The following TNIK variants were observed in gnomAD, a reference collection of about 807,000 sequenced individuals.
TNIK encodes TRAF2 and NCK interacting kinase.
In TNIK, 49 loss-of-function variants were observed where a neutral mutation model predicts 191.3. That is an observed-to-expected ratio of 0.26 (90% CI 0.20 to 0.32). TNIK has a LOEUF of 0.32. Ranked by LOEUF, TNIK falls within the 10% of genes least tolerant of loss-of-function variation. The pLI is 1.00. For synonymous variants in TNIK, 594 were observed against 600.9 expected, an observed-to-expected ratio of 0.99 and a Z score of 0.17; for missense variants, 1,155 against 1,702.3, an observed-to-expected ratio of 0.68 and a Z score of 5.66.
intron 6 of TNIK, 118 bp from the exon 7 acceptor site, chr3:171,188,950 A>T (rs190411087): frequency 4.9e-5 from 63 of 1,294,862 alleles, no homozygotes; most frequent in Non-Finnish European, 1.0e-6. Context: ...TACAATTTTG[A>T]CCATTTTCAA....
intron 1 of TNIK, among the ~76,000 whole-genome samples, chr3:171,438,761 T>C (rs1726359470): frequency 6.6e-6 from 1 of 152,242 alleles, no homozygotes; most frequent in South Asian, 2.1e-4. Context: ...AACAGGGGTT[T>C]TGTGGCTCGA....
chr3:171,157,548 C>CGCTGCTGCTGCTCCA lies in TNIK; in HGVS notation c.1118_1132dup (p.Leu373_Gln377dup), dbSNP rs1733368541. 1 of 1,564,462 alleles carries CGCTGCTGCTGCTCCA rather than the reference C, an allele frequency of 6.4e-7. No individual in the cohort carries two copies. Among genetic ancestry groups the CGCTGCTGCTGCTCCA allele is most frequent in the East Asian group, 2.4e-5 (1 of 41,742 alleles). On this transcript the variant is annotated inframe_insertion, in exon 12 of 33. Coordinates refer to ENST00000436636, the MANE Select transcript of TNIK (RefSeq NM_015028.4). Reference sequence around the variant, plus strand: ...CTGCCGCTTGTGCTCCTCATTCTCCCGCTGCTGCTGCTCCAGCTGCTGCCT... The same window carrying CGCTGCTGCTGCTCCA: ...CTGCCGCTTGTGCTCCTCATTCTCCCGCTGCTGCTGCTCCAGCTGCTGCTGCTCCAGCTGCTGCCT...
intron 1 of TNIK, among the ~76,000 whole-genome samples, chr3:171,370,826 T>C (rs571772910): frequency 1.3e-5 from 2 of 152,246 alleles, no homozygotes; most frequent in South Asian, 2.1e-4. Context: ...AGATCTCCTA[T>C]TTTTTAAGTT....
intron 1 of TNIK, among the ~76,000 whole-genome samples, chr3:171,390,527 C>T (rs148331251): frequency 6.6e-6 from 1 of 152,324 alleles, no homozygotes; most frequent in East Asian, 1.9e-4. Flanking sequence ...GCCCCTATTT[C>T]ACAGGGTCTC....
Position 171,363,011 on chromosome 3 carries a change from AAG to A in TNIK, c.123+6607_123+6608del. 2.0e-5 allele frequency among the ~76,000 whole-genome samples: 3 copies of A among 152,266 alleles called. No homozygotes were observed. In the East Asian group the frequency reaches 5.8e-4, roughly 29 times the overall value. ...CCATCCCCACTTGCACCTCAATGTT[AAG>A]AGTTTTGCCATTCTGTGTGATTTTT... On this transcript the variant is annotated intron_variant, in intron 2 of 32. Coordinates refer to ENST00000436636, the MANE Select transcript of TNIK (RefSeq NM_015028.4).
At chr3:171,386,975 C>T (rs959029708) in intron 1 of TNIK, among the ~76,000 whole-genome samples, 2 of 152,170 alleles carry the variant, frequency 1.3e-5, no homozygotes, top group Non-Finnish European at 2.9e-5. Flanking sequence ...CCTCCCAGGT[C>T]TCTGGATTAG....
intron 2 of TNIK, among the ~76,000 whole-genome samples, chr3:171,355,935 T>C (rs563269038): frequency 2.0e-5 from 3 of 152,020 alleles, no homozygotes; most frequent in Admixed American, 2.0e-4. Context: ...AAGGAGGAAA[T>C]ATAAAAGCAA....
chr3:171,180,283 C>T (rs1736481753), intron 7 of TNIK, among the ~76,000 whole-genome samples: 1 of 152,186 alleles, frequency 6.6e-6, no homozygotes, highest in Non-Finnish European at 1.5e-5. Context: ...AAAGCCTGCT[C>T]AACCCCTGTG....
intron 2 of TNIK, among the ~76,000 whole-genome samples, chr3:171,360,046 A>T (rs1714745030): frequency 6.6e-6 from 1 of 152,220 alleles, no homozygotes; most frequent in Non-Finnish European, 1.5e-5. Flanking sequence ...ATGAGGTGGA[A>T]TGAAAGTATT....
chr3:171,092,106 C>T (rs935696936), intron 23 of TNIK, among the ~76,000 whole-genome samples: 18 of 152,056 alleles, frequency 1.2e-4, no homozygotes, highest in East Asian at 9.8e-4. Context: ...CCCGCCACGA[C>T]GCCTGGCTAA....
intron 2 of TNIK, among the ~76,000 whole-genome samples, chr3:171,238,580 C>T (rs146753979): frequency 6.6e-6 from 1 of 152,122 alleles, no homozygotes; most frequent in East Asian, 1.9e-4. Context: ...AGGGATGCTA[C>T]TAAATCTTCA....
intron 2 of TNIK, among the ~76,000 whole-genome samples, chr3:171,288,673 T>C (rs1251781910): frequency 6.6e-6 from 1 of 151,938 alleles, no homozygotes; most frequent in Non-Finnish European, 1.5e-5. Context: ...CCTGGTGTGG[T>C]GGTGTGTGCC....
At chr3:171,281,886 T>C (rs2109257404) in intron 2 of TNIK, among the ~76,000 whole-genome samples, 1 of 152,362 alleles carries the variant, frequency 6.6e-6, no homozygotes, top group East Asian at 1.9e-4. Context: ...GTCTGGCTGA[T>C]GCCTTGAGTT....
At chr3:171,210,914 T>C (rs541670362) in intron 4 of TNIK, among the ~76,000 whole-genome samples, 18 of 146,852 alleles carry the variant, frequency 1.2e-4, no homozygotes, top group African/African-American at 4.3e-4. Context: ...TATTAAGGGA[T>C]AGAAGGAACA....
chr3:171,312,703 C>A (rs1052514776), intron 2 of TNIK, among the ~76,000 whole-genome samples: 1 of 152,070 alleles, frequency 6.6e-6, no homozygotes, highest in Non-Finnish European at 1.5e-5. Context: ...ATCTATGGTG[C>A]TGAAACTTAA....
chr3:171,349,753 C>T (rs1396036276), intron 2 of TNIK, among the ~76,000 whole-genome samples: 1 of 152,164 alleles, frequency 6.6e-6, no homozygotes, highest in African/African-American at 2.4e-5. Flanking sequence ...ATATTTTCCC[C>T]ACTAATATTT....
chr3:171,219,702 A>G (rs1439466523), intron 3 of TNIK, among the ~76,000 whole-genome samples: 1 of 152,222 alleles, frequency 6.6e-6, no homozygotes, highest in Non-Finnish European at 1.5e-5. Flanking sequence ...ATACCATCTC[A>G]TGCCAGTTAG....
At chr3:171,306,782 C>T (rs914157671) in intron 2 of TNIK, among the ~76,000 whole-genome samples, 2 of 152,102 alleles carry the variant, frequency 1.3e-5, no homozygotes, top group South Asian at 2.1e-4. Flanking sequence ...GTAGGGAAAA[C>T]GTGTTCTCTG....
chr3:171,391,120 C>T (rs1420393047), intron 1 of TNIK, among the ~76,000 whole-genome samples: 1 of 152,174 alleles, frequency 6.6e-6, no homozygotes, highest in African/African-American at 2.4e-5. Flanking sequence ...ATGCATCTAC[C>T]ATTTGTAATA....
Sources: allele counts gnomAD v4.1 joint callset (sites outside exome capture counted in the v4.1 genomes callset), GRCh38; gene constraint gnomAD v4.1.1; transcripts MANE v1.5; gene names NCBI Gene and HGNC (gene_info 2026-07-23, HGNC 2026-07-21).